NWD2: variants seen among roughly 807,000 people sequenced by gnomAD.
NWD2 encodes NACHT and WD repeat domain containing 2.
NWD2 carries 37 observed loss-of-function variants against 132.7 expected under a neutral mutation model. The ratio of observed to expected loss-of-function variants is 0.28; its 90% CI spans 0.21 to 0.37. The LOEUF (loss-of-function observed/expected upper bound fraction) is 0.37, where lower values mean the gene tolerates loss of function less well. Among genes scored for constraint, NWD2 ranks in the 10% least tolerant of loss-of-function variants. The pLI, the probability that NWD2 is intolerant of heterozygous loss-of-function variation, is 1.00. For synonymous variants in NWD2, 705 were observed against 803.0 expected, an observed-to-expected ratio of 0.88 and a Z score of 2.06; for missense variants, 1,592 against 2,122.4, an observed-to-expected ratio of 0.75 and a Z score of 4.91.
Position 37,430,573 on chromosome 4 carries a change from G to C in NWD2, c.359G>C (p.Gly120Ala). The change falls in exon 4 of 7, where the codon GGA becomes GCA. Residue 120 changes from glycine to alanine, a missense_variant and splice_region_variant. Transcript: ENST00000309447. ...TTGAACTTTCTTGTTGATACACAGG[G>C]ACTATTAGGTGAAAAATATGGGAAT... ...LKTSAGPCFV[G>A]LLGEKYGNIR... is the part of the protein sequence containing the mutation. 6.4e-7 allele frequency: 1 copy of C among 1,550,522 alleles called. No individual in the cohort carries two copies. Among genetic ancestry groups the C allele is most frequent in the Non-Finnish European group, 8.7e-7 (1 of 1,146,012 alleles).
At chr4:37,355,793 C>G (rs1349450407) in intron 2 of NWD2, among the ~76,000 whole-genome samples, 1 of 151,966 alleles carries the variant, frequency 6.6e-6, no homozygotes, top group Non-Finnish European at 1.5e-5. Flanking sequence ...CATTTTTTTG[C>G]CCGTACATGT....
intron 1 of NWD2, among the ~76,000 whole-genome samples, chr4:37,298,362 T>G (rs1353907705): frequency 6.6e-6 from 1 of 152,196 alleles, no homozygotes; most frequent in Non-Finnish European, 1.5e-5. Context: ...ATTTCATCAG[T>G]ATCACAAAAT....
At chr4:37,253,440 T>C (rs987028225) in intron 1 of NWD2, among the ~76,000 whole-genome samples, 1 of 152,174 alleles carries the variant, frequency 6.6e-6, no homozygotes, top group Non-Finnish European at 1.5e-5. Context: ...AATGAAGCCA[T>C]GCTCCCCGGA....
chr4:37,361,048 A>G (rs1172268746), intron 3 of NWD2, among the ~76,000 whole-genome samples: 1 of 152,216 alleles, frequency 6.6e-6, no homozygotes, highest in Non-Finnish European at 1.5e-5. Flanking sequence ...ACTATTATGA[A>G]CACATCTATG....
chr4:37,297,308 G>A (rs1015102237), intron 1 of NWD2, among the ~76,000 whole-genome samples: 1 of 152,000 alleles, frequency 6.6e-6, no homozygotes, highest in Non-Finnish European at 1.5e-5. Context: ...CAATGTAAAT[G>A]CTGTGTAAAT....
At chr4:37,353,937 GA>G (rs1222594455) in intron 2 of NWD2, among the ~76,000 whole-genome samples, 2 of 152,110 alleles carry the variant, frequency 1.3e-5, no homozygotes, top group African/African-American at 4.8e-5. Context: ...TCAGTTTTTG[GA>G]ATTTTCAGCC....
At chr4:37,270,598 C>T (rs1212761929) in intron 1 of NWD2, among the ~76,000 whole-genome samples, 1 of 151,604 alleles carries the variant, frequency 6.6e-6, no homozygotes, top group Non-Finnish European at 1.5e-5. Context: ...ACAATCATGA[C>T]TCATTTTTAA....
At chr4:37,416,908 G>T (rs1015282954) in intron 3 of NWD2, among the ~76,000 whole-genome samples, 1 of 151,836 alleles carries the variant, frequency 6.6e-6, no homozygotes, top group East Asian at 1.9e-4. Context: ...GGATGCAAAG[G>T]CATAAGAATG....
At chr4:37,323,581 C>T (rs1350557548) in intron 1 of NWD2, among the ~76,000 whole-genome samples, 1 of 152,100 alleles carries the variant, frequency 6.6e-6, no homozygotes. Context: ...AATGCTTATA[C>T]ACTGTCGGTG....
At chr4:37,382,916 A>G (rs1005768472) in intron 3 of NWD2, among the ~76,000 whole-genome samples, 4 of 150,476 alleles carry the variant, frequency 2.7e-5, no homozygotes, top group African/African-American at 9.8e-5. Context: ...CTGGTCTTGA[A>G]CTCCTAAGCT....
At chr4:37,422,702 T>G (rs17421931) in intron 3 of NWD2, among the ~76,000 whole-genome samples, 1 of 152,218 alleles carries the variant, frequency 6.6e-6, no homozygotes, top group African/African-American at 2.4e-5. Flanking sequence ...TTGATTCTCA[T>G]GATGCACCAG....
intron 2 of NWD2, among the ~76,000 whole-genome samples, chr4:37,348,492 C>T (rs1719683703): frequency 6.6e-6 from 1 of 151,182 alleles, no homozygotes; most frequent in African/African-American, 2.4e-5. Flanking sequence ...GGTGACCACA[C>T]CCATGGGTAA....
At chr4:37,373,072 T>C (rs531007798) in intron 3 of NWD2, among the ~76,000 whole-genome samples, 9 of 152,340 alleles carry the variant, frequency 5.9e-5, no homozygotes, top group African/African-American at 1.7e-4. Context: ...CTGTGGACAA[T>C]AATAGCAAAC....
Position 37,438,919 on chromosome 4 carries a change from G to A in NWD2, c.825G>A (p.Met275Ile), listed in dbSNP as rs1712401879. The A allele has an allele frequency of 6.4e-7, 1 of 1,552,040 alleles. No homozygotes were observed. The highest frequency in any genetic ancestry group is 8.7e-7 in the Non-Finnish European group (1 of 1,147,060). The change falls in exon 6 of 7, where the codon ATG becomes ATA. Residue 275 changes from methionine (M) to isoleucine (I), a missense_variant. Transcript: ENST00000309447. ...NIERFVKIPE[M>I]GKYMDITGTE... ...AGCGCTTTGTGAAAATCCCAGAGAT[G>A]GGAAAATACATGGATATAACTGGAA... is the stretch of plus-strand genomic sequence containing the variant.
Position 37,244,883 on chromosome 4 carries a change from C to A in NWD2, c.-185C>A. 1.5e-6 allele frequency: 1 copy of A among 689,482 alleles called. No individual in the cohort carries two copies. Among genetic ancestry groups the A allele is most frequent in the Non-Finnish European group, 2.3e-6 (1 of 434,024 alleles). 42.7% of individuals were successfully genotyped at this position (689,482 alleles called of 1,614,324 possible). On this transcript the variant is annotated 5_prime_UTR_variant, in exon 1 of 7. Transcript: ENST00000309447. This position sits in a 1 kb window ranked among gnomAD's most constrained non-coding sequence, Gnocchi z 5.5. ...GACAGGAGCCCGAGGGTCCGTATGGCTTCTCCTCGCCGGCGGGTGCTGTGC... is the reference window on the plus strand; with the variant it reads ...GACAGGAGCCCGAGGGTCCGTATGGATTCTCCTCGCCGGCGGGTGCTGTGC...
chr4:37,309,984 A>G (rs897919836), intron 1 of NWD2, among the ~76,000 whole-genome samples: 1 of 152,170 alleles, frequency 6.6e-6, no homozygotes, highest in African/African-American at 2.4e-5. Context: ...GCTGGTGAAG[A>G]TTTATTTCTA....
intron 3 of NWD2, among the ~76,000 whole-genome samples, chr4:37,397,125 T>C (rs1720811217): frequency 6.6e-6 from 1 of 152,056 alleles, no homozygotes; most frequent in African/African-American, 2.4e-5. Flanking sequence ...GAGTTGGTGA[T>C]AGGGATGAGC....
intron 1 of NWD2, among the ~76,000 whole-genome samples, chr4:37,320,659 G>A (rs1323469174): frequency 6.6e-6 from 1 of 152,158 alleles, no homozygotes; most frequent in Admixed American, 6.5e-5. Flanking sequence ...TTGGGGAGCT[G>A]CCAAACAAGA....
Position 37,443,777 on chromosome 4 carries a change from C to G in NWD2, c.1789C>G (p.Gln597Glu). ...CAAAAGGAAGGTCACATCAGGCCAG[C>G]AGATTTATGTGAACAATGCATTATC... Reference protein sequence around the residue: ...RVKRKVTSGQQIYVNNALSKC... With the variant: ...RVKRKVTSGQEIYVNNALSKC... Residue 597 changes from glutamine to glutamate, a missense_variant, in exon 7 of 7, where the codon CAG becomes GAG. Physicochemically the swap from Gln to Glu is conservative, Grantham distance 29 (BLOSUM62 2). Around this residue, in one of 7 missense-constraint regions of NWD2, gnomAD observed 1,071 missense variants for 1,398.0 expected, o/e 0.77. Transcript: ENST00000309447. This position sits in a 1 kb window ranked among gnomAD's most constrained non-coding sequence, Gnocchi z 4.1. 1 of 1,551,934 alleles carries G rather than the reference C, an allele frequency of 6.4e-7. No homozygotes were observed. Among genetic ancestry groups the G allele is most frequent in the Non-Finnish European group, 8.7e-7 (1 of 1,147,068 alleles).
Sources: allele counts gnomAD v4.1 joint callset (sites outside exome capture counted in the v4.1 genomes callset), GRCh38; gene constraint gnomAD v4.1.1; regional missense constraint gnomAD v4.1.1; non-coding constraint Gnocchi (gnomAD v3.1); transcripts MANE v1.5; gene names NCBI Gene and HGNC (gene_info 2026-07-23, HGNC 2026-07-21).